Variants in LRP8 observed in about 807,000 individuals in gnomAD.
LRP8 encodes the protein LDL receptor related protein 8.
A neutral mutation model predicts 111.6 loss-of-function variants in LRP8; 46 were observed. The ratio of observed to expected loss-of-function variants is 0.41; its 90% CI spans 0.33 to 0.53. LRP8 has a LOEUF of 0.53. Among genes scored for constraint, LRP8 ranks in the 20% least tolerant of loss-of-function variants. The pLI, the probability that LRP8 is intolerant of heterozygous loss-of-function variation, is 0.20. For synonymous variants in LRP8, 464 were observed against 511.2 expected, an observed-to-expected ratio of 0.91 and a Z score of 1.24; for missense variants, 959 against 1,297.4, an observed-to-expected ratio of 0.74 and a Z score of 4.01.
chr1:53,249,607 C>G lies in LRP8; in HGVS notation c.2677-51G>C, dbSNP rs1259367534. On this transcript the variant is annotated intron_variant, in intron 17 of 18. Transcript: ENST00000306052. The surrounding 1 kb of genome is among the most constrained non-coding windows in gnomAD (Gnocchi z 4.1). ...GACCTCTGAGGTCACACTCAGCCCC[C>G]TGACTGTGCTGTATAACAGTGACAC... 6.6e-7 allele frequency: 1 copy of G among 1,517,370 alleles called. No homozygotes were observed. The highest frequency in any genetic ancestry group is 8.8e-7 in the Non-Finnish European group (1 of 1,132,472). The allele number at this position is 1,517,370 out of a possible 1,614,324, so 94.0% of individuals were successfully genotyped here. A position where few individuals can be genotyped will look rare whatever the true frequency, so the allele number is the denominator to read the frequency against.
chr1:53,300,218 T>C (rs1012738951), intron 2 of LRP8, among the ~76,000 whole-genome samples: 4 of 152,242 alleles, frequency 2.6e-5, no homozygotes, highest in Admixed American at 2.6e-4. Context: ...GGACAAGCCA[T>C]TGGCCTTCAT....
intron 2 of LRP8, among the ~76,000 whole-genome samples, chr1:53,301,025 G>C (rs189967577): frequency 2.2e-4 from 33 of 152,348 alleles, no homozygotes; most frequent in Middle Eastern, 3.4e-3. Flanking sequence ...CTCGAGGTGT[G>C]GGGGGTGGGG....
In LRP8 at chr1:53,275,899, AAGGCACC is replaced by A; in HGVS notation, c.884-153_884-147del. On this transcript the variant is annotated intron_variant, in intron 5 of 18. Transcript: ENST00000306052. This position sits in a 1 kb window ranked among gnomAD's most constrained non-coding sequence, Gnocchi z 4.4. ...AGGAGTCCTCAAAGGACACCTGGCC[AAGGCACC>A]TCAGTGTACAGATGGGGAGACTGAA... 1.0e-6 allele frequency: 1 copy of A among 983,768 alleles called. No homozygotes were observed. Among genetic ancestry groups the A allele is most frequent in the East Asian group, 2.6e-5 (1 of 37,910 alleles). 60.9% of individuals were successfully genotyped at this position (983,768 alleles called of 1,614,324 possible). A position where few individuals can be genotyped will look rare whatever the true frequency, so the allele number is the denominator to read the frequency against.
At chr1:53,327,663 G>A in intron 1 of LRP8, 126 bp downstream of exon 1, 3 of 1,282,394 alleles carry the variant, frequency 2.3e-6, no homozygotes, top group Non-Finnish European at 2.0e-6. Context: ...GCTTCGCGTG[G>A]AGCCTGTCCG....
At chr1:53,298,982 C>T (rs992582059) in intron 2 of LRP8, among the ~76,000 whole-genome samples, 3 of 152,306 alleles carry the variant, frequency 2.0e-5, no homozygotes, top group South Asian at 2.1e-4. Flanking sequence ...TCTGGGCTCT[C>T]GGCCCCCACT....
intron 16 of LRP8, among the ~76,000 whole-genome samples, chr1:53,253,503 T>C (rs1645966285): frequency 6.6e-6 from 1 of 152,230 alleles, no homozygotes. Flanking sequence ...AAATATACTC[T>C]ACCTCACAGG....
At chr1:53,315,783 A>G (rs984599094) in intron 2 of LRP8, among the ~76,000 whole-genome samples, 1 of 152,186 alleles carries the variant, frequency 6.6e-6, no homozygotes. Flanking sequence ...GAGCAGGAAT[A>G]CACCCAGATC....
intron 2 of LRP8, among the ~76,000 whole-genome samples, chr1:53,324,016 G>A (rs560775288): frequency 6.6e-6 from 1 of 152,270 alleles, no homozygotes; most frequent in Non-Finnish European, 1.5e-5. Context: ...TTTGCCTCAC[G>A]CAGACTCTAT....
intron 2 of LRP8, among the ~76,000 whole-genome samples, chr1:53,299,532 G>C (rs765657374): frequency 6.6e-5 from 10 of 152,218 alleles, no homozygotes; most frequent in Non-Finnish European, 1.5e-4. Context: ...TCACCAGGGA[G>C]TGTGTGGCAG....
In LRP8 at chr1:53,275,790, G is replaced by A. The variant is rs1045487620; in HGVS notation, c.884-37C>T. 3 of 1,609,276 alleles carry A rather than the reference G, an allele frequency of 1.9e-6. No individual in the cohort carries two copies. Among genetic ancestry groups the A allele is most frequent in the Non-Finnish European group, 2.5e-6 (3 of 1,177,790 alleles). ...GGGCAAGGGGAGAGGATCAGAGTCA[G>A]TGTGGTGCTAGGACAATTTCCCCAC... On this transcript the variant is annotated intron_variant, in intron 5 of 18. Coordinates refer to ENST00000306052, the MANE Select transcript of LRP8 (RefSeq NM_004631.5). This position sits in a 1 kb window ranked among gnomAD's most constrained non-coding sequence, Gnocchi z 4.4.
At chr1:53,270,998 G>T in intron 8 of LRP8, 30 bp downstream of exon 8, 1 of 1,613,980 alleles carries the variant, frequency 6.2e-7, no homozygotes. Flanking sequence ...GCCTTTCAGA[G>T]CTGCCCCTCT....
At chr1:53,255,520 T>C (rs777579292) in intron 15 of LRP8, among the ~76,000 whole-genome samples, 1 of 152,216 alleles carries the variant, frequency 6.6e-6, no homozygotes, top group Non-Finnish European at 1.5e-5. Context: ...GGGCTGTGCA[T>C]GGCAAAGTGA....
At chr1:53,297,270 C>T (rs559804913) in intron 2 of LRP8, among the ~76,000 whole-genome samples, 56 of 152,328 alleles carry the variant, frequency 3.7e-4, no homozygotes, top group Admixed American at 5.9e-4. Context: ...CCGCCAGAGT[C>T]GGAGATGTCG....
At chr1:53,274,360 T>A (rs1318640490) in intron 6 of LRP8, among the ~76,000 whole-genome samples, 1 of 152,236 alleles carries the variant, frequency 6.6e-6, no homozygotes, top group East Asian at 1.9e-4. Context: ...CCCAGGGCCT[T>A]GGCTGGGTCA....
At chr1:53,276,558 T>C in intron 5 of LRP8, 134 bp downstream of exon 5, 1 of 637,634 alleles carries the variant, frequency 1.6e-6, no homozygotes, top group Non-Finnish European at 2.2e-6. Context: ...TCTCCCAGCC[T>C]CGGTCTCCTC....
At chr1:53,324,107 C>T (rs1023869404) in intron 2 of LRP8, among the ~76,000 whole-genome samples, 2 of 152,190 alleles carry the variant, frequency 1.3e-5, no homozygotes, top group Non-Finnish European at 2.9e-5. Flanking sequence ...GGGTGGTGTG[C>T]CAAAGAGGGT....
At chr1:53,255,298 T>G in intron 15 of LRP8, 113 bp from the exon 16 acceptor site, 1 of 857,638 alleles carries the variant, frequency 1.2e-6, no homozygotes, top group Non-Finnish European at 1.9e-6. Context: ...TCTAAAATGA[T>G]GATCCTGGCT....
intron 13 of LRP8, among the ~76,000 whole-genome samples, chr1:53,258,866 T>G (rs543769211): frequency 2.8e-4 from 43 of 152,310 alleles, no homozygotes; most frequent in Middle Eastern, 3.4e-3. Context: ...TACTCATAGC[T>G]TAGCTCCTGC....
At position 53,276,970 on chromosome 1, in the gene LRP8, G is replaced by GCACAGCCGCGCTCATCGCTGCCGTCAC. The variant is rs1646942866; in HGVS notation, c.578_604dup (p.Gly193_Cys201dup). ...CTCGCGGGGCCCGCAGGCCGGGTCT[G>GCACAGCCGCGCTCATCGCTGCCGTCAC]CACAGCCGCGCTCATCGCTGCCGTC... On this transcript the variant is annotated inframe_insertion, in exon 5 of 19. Transcript: ENST00000306052. The GCACAGCCGCGCTCATCGCTGCCGTCAC allele has an allele frequency of 6.7e-7, 1 of 1,500,032 alleles. No homozygotes were observed. Among genetic ancestry groups the GCACAGCCGCGCTCATCGCTGCCGTCAC allele is most frequent in the Non-Finnish European group, 8.9e-7 (1 of 1,128,136 alleles). The allele number at this position is 1,500,032 out of a possible 1,614,324, so 92.9% of individuals were successfully genotyped here.
Sources: gnomAD v4.1 joint callset for allele counts (sites outside exome capture counted in the v4.1 genomes callset) on GRCh38, gnomAD v4.1.1 for gene constraint, Gnocchi (gnomAD v3.1) non-coding constraint, MANE v1.5 for transcripts, NCBI Gene and HGNC (gene_info 2026-07-23, HGNC 2026-07-21) for gene names.